Variants in C12orf56 observed in about 807,000 individuals in gnomAD.
C12orf56 encodes the protein chromosome 12 open reading frame 56.
In C12orf56, 71 loss-of-function variants were observed where a neutral mutation model predicts 69.9. The ratio of observed to expected loss-of-function variants is 1.02; its 90% CI spans 0.84 to 1.24. The LOEUF is 1.24. Ranked by LOEUF, C12orf56 falls within the 50% of genes most tolerant of loss-of-function variation. The pLI, the probability that C12orf56 is intolerant of heterozygous loss-of-function variation, is 0.00. For synonymous variants in C12orf56, 276 were observed against 274.1 expected, an observed-to-expected ratio of 1.01 and a Z score of -0.07; for missense variants, 732 against 738.5, an observed-to-expected ratio of 0.99 and a Z score of 0.10.
At chr12:64,298,822 C>T (rs532582596) in intron 6 of C12orf56, among the ~76,000 whole-genome samples, 2 of 152,274 alleles carry the variant, frequency 1.3e-5, no homozygotes, top group African/African-American at 4.8e-5. Context: ...TGTGATGCCT[C>T]CAGCTTTGTT....
intron 5 of C12orf56, among the ~76,000 whole-genome samples, chr12:64,307,426 G>A (rs928186680): frequency 6.5e-5 from 9 of 137,512 alleles, no homozygotes; most frequent in Non-Finnish European, 6.0e-5. Context: ...CTGGAGTGCC[G>A]TGGCACAATC....
intron 5 of C12orf56, among the ~76,000 whole-genome samples, chr12:64,307,083 C>T (rs915529082): frequency 1.3e-5 from 2 of 152,152 alleles, no homozygotes; most frequent in African/African-American, 4.8e-5. Flanking sequence ...TCAAGCCACA[C>T]ACACACAGAA....
chr12:64,363,396 T>A (rs1194585454), intron 1 of C12orf56, among the ~76,000 whole-genome samples: 2 of 152,136 alleles, frequency 1.3e-5, no homozygotes, highest in Non-Finnish European at 2.9e-5. Context: ...CAGGGTTGGG[T>A]TGTTTAAACA....
intron 1 of C12orf56, 88 bp downstream of exon 1, chr12:64,390,226 C>T (rs2135995515): frequency 6.8e-7 from 1 of 1,460,732 alleles, no homozygotes; most frequent in South Asian, 1.4e-5. Context: ...TGGGGCAGCC[C>T]TCCCCGCGCA....
intron 4 of C12orf56, among the ~76,000 whole-genome samples, chr12:64,313,756 G>A (rs1011512860): frequency 4.0e-5 from 6 of 151,286 alleles, no homozygotes; most frequent in Non-Finnish European, 5.9e-5. Context: ...TAGATTTACC[G>A]ATTTACAGCC....
chr12:64,325,836 A>G (rs2038831825), intron 3 of C12orf56, among the ~76,000 whole-genome samples: 1 of 152,148 alleles, frequency 6.6e-6, no homozygotes, highest in Non-Finnish European at 1.5e-5. Flanking sequence ...CCCCACATAA[A>G]CATACAGTCT....
intron 11 of C12orf56, 24 bp from the exon 12 acceptor site, chr12:64,270,738 A>T: frequency 6.4e-7 from 1 of 1,565,944 alleles, no homozygotes. Context: ...ATACAGTTAC[A>T]TGTAGGCTGT....
At position 64,284,651 on chromosome 12, in the gene C12orf56, T is replaced by C; in HGVS notation, c.1310+13A>G. The C allele has an allele frequency of 6.3e-7, 1 of 1,591,408 alleles. No individual in the cohort carries two copies. Among genetic ancestry groups the C allele is most frequent in the Non-Finnish European group, 8.5e-7 (1 of 1,170,470 alleles). On this transcript the variant is annotated intron_variant, in intron 8 of 12. Transcript: ENST00000543942. ...GCAACTACAAGGTCCCAATGTCTTC[T>C]AAAAGACCTTACTTCTTAGCTGCCA...
chr12:64,348,772 TGTTAA>T (rs1197700016), intron 2 of C12orf56, among the ~76,000 whole-genome samples: 2 of 152,242 alleles, frequency 1.3e-5, no homozygotes, highest in Admixed American at 6.5e-5. Context: ...AAGGTTGTTA[TGTTAA>T]GTTTTTTGTC....
chr12:64,388,711 G>C (rs563892878), intron 1 of C12orf56, among the ~76,000 whole-genome samples: 5 of 152,268 alleles, frequency 3.3e-5, no homozygotes, highest in Admixed American at 2.6e-4. Flanking sequence ...TTTTTAATTA[G>C]CCAGCTGTGA....
At position 64,383,726 on chromosome 12, in the gene C12orf56, TA is replaced by T. The variant is rs142206674; in HGVS notation, c.252+6587del. 7.7e-3 allele frequency among the ~76,000 whole-genome samples: 1,152 copies of T among 148,662 alleles called. 15 individuals are homozygous for T. The highest frequency in any genetic ancestry group is 0.026 in the African/African-American group (1,042 of 40,568). ...TATAGGTAAATGTGCTGATACAATG[TA>T]AAAAAAAAATGATTAAAAAAAGAAG... On this transcript the variant is annotated intron_variant, in intron 1 of 12. Coordinates refer to ENST00000543942, the MANE Select transcript of C12orf56 (RefSeq NM_001170633.2).
chr12:64,294,808 T>C (rs7973109), intron 6 of C12orf56, among the ~76,000 whole-genome samples: 106,664 of 151,750 alleles, frequency 0.7, 38,700 homozygotes, highest in Non-Finnish European at 0.8. Context: ...ACCACTGAAA[T>C]GTATGCTTAA....
chr12:64,268,547 G>C (rs910522762), intron 12 of C12orf56, among the ~76,000 whole-genome samples: 6 of 152,142 alleles, frequency 3.9e-5, no homozygotes, highest in African/African-American at 1.4e-4. Flanking sequence ...CCAGGGGTTA[G>C]GAGGAGGAGA....
intron 1 of C12orf56, among the ~76,000 whole-genome samples, chr12:64,366,083 AT>A (rs1268459923): frequency 7.9e-6 from 1 of 127,172 alleles, no homozygotes; most frequent in Non-Finnish European, 1.5e-5. Flanking sequence ...TATAGTTTGT[AT>A]AATATATAGT....
At chr12:64,380,920 A>G (rs1362595717) in intron 1 of C12orf56, among the ~76,000 whole-genome samples, 2 of 152,174 alleles carry the variant, frequency 1.3e-5, no homozygotes, top group Admixed American at 6.6e-5. Context: ...AATTTAATTT[A>G]TGATATATGT....
At chr12:64,357,845 A>G (rs1214731495) in intron 1 of C12orf56, among the ~76,000 whole-genome samples, 2 of 151,978 alleles carry the variant, frequency 1.3e-5, no homozygotes, top group African/African-American at 2.4e-5. Flanking sequence ...GGCTGCAGTG[A>G]GCCAAGACTG....
intron 1 of C12orf56, among the ~76,000 whole-genome samples, chr12:64,375,449 A>G (rs1447730401): frequency 6.6e-6 from 1 of 152,248 alleles, no homozygotes; most frequent in Non-Finnish European, 1.5e-5. Flanking sequence ...CAAGTTCAAA[A>G]TGGGTCATAA....
chr12:64,332,032 C>T (rs6581541), intron 2 of C12orf56, among the ~76,000 whole-genome samples: 68,149 of 151,562 alleles, frequency 0.45, 15,676 homozygotes, highest in African/African-American at 0.54. Context: ...TGGCCAGGTG[C>T]GGTGACTCAC....
At chr12:64,370,339 T>C (rs1011496082) in intron 1 of C12orf56, among the ~76,000 whole-genome samples, 1 of 148,428 alleles carries the variant, frequency 6.7e-6, no homozygotes, top group Admixed American at 6.8e-5. Context: ...AGTGAGACTC[T>C]GCCCATGCGC....
Sources: allele counts gnomAD v4.1 joint callset (sites outside exome capture counted in the v4.1 genomes callset), GRCh38; gene constraint gnomAD v4.1.1; transcripts MANE v1.5; gene names NCBI Gene and HGNC (gene_info 2026-07-23, HGNC 2026-07-21).